RMDN2: variants seen among roughly 807,000 people sequenced by gnomAD.
RMDN2 encodes the protein regulator of microtubule dynamics protein 2.
RMDN2 carries 61 observed loss-of-function variants against 52.8 expected under a neutral mutation model. That is an observed-to-expected ratio of 1.16 (90% CI 0.94 to 1.43). The LOEUF (loss-of-function observed/expected upper bound fraction) is 1.43. Among genes scored for constraint, RMDN2 ranks in the 40% most tolerant of loss-of-function variants. The probability of loss-of-function intolerance (pLI) is 0.00; values close to 1 mark genes in which losing one functional copy is unlikely to be tolerated. For missense variants in RMDN2, 592 were observed against 475.3 expected (o/e 1.25, Z -2.28); for synonymous variants, 180 against 153.1 (o/e 1.18, Z -1.30).
chr2:38,041,747 T>C (rs1680968738), intron 10 of RMDN2, among the ~76,000 whole-genome samples: 1 of 152,212 alleles, frequency 6.6e-6, no homozygotes, highest in South Asian at 2.1e-4. Context: ...TGATAGATCA[T>C]ATTAATTAAT....
chr2:38,065,966 G>A (rs759797128), intron 10 of RMDN2, among the ~76,000 whole-genome samples: 17 of 152,108 alleles, frequency 1.1e-4, no homozygotes, highest in African/African-American at 1.7e-4. Flanking sequence ...AATTGCTTGC[G>A]AAACTCCCAG....
intron 10 of RMDN2, among the ~76,000 whole-genome samples, chr2:38,050,389 C>G (rs900505870): frequency 2.0e-5 from 3 of 152,158 alleles, no homozygotes; most frequent in African/African-American, 7.2e-5. Context: ...ACCATATATC[C>G]CCACATACAG....
intron 10 of RMDN2, among the ~76,000 whole-genome samples, chr2:38,016,230 G>A (rs1038424579): frequency 6.6e-6 from 1 of 152,220 alleles, no homozygotes; most frequent in Non-Finnish European, 1.5e-5. Flanking sequence ...AGGTATTTGA[G>A]CAAGGCTCTA....
chr2:38,002,004 G>A (rs545821546), intron 8 of RMDN2, among the ~76,000 whole-genome samples: 6 of 152,136 alleles, frequency 3.9e-5, no homozygotes, highest in South Asian at 4.2e-4. Context: ...TTCATTCCAC[G>A]CCCAGACACT....
intron 2 of RMDN2, among the ~76,000 whole-genome samples, chr2:37,937,083 G>A (rs541842904): frequency 6.6e-6 from 1 of 152,226 alleles, no homozygotes; most frequent in Non-Finnish European, 1.5e-5. Context: ...TTTGTATCAG[G>A]TGTAAGGAAG....
At chr2:38,054,316 C>G (rs1681760594) in intron 10 of RMDN2, among the ~76,000 whole-genome samples, 1 of 152,218 alleles carries the variant, frequency 6.6e-6, no homozygotes, top group African/African-American at 2.4e-5. Context: ...TGGAAAGACT[C>G]AGTAAAGTTG....
intron 2 of RMDN2, among the ~76,000 whole-genome samples, chr2:37,933,653 T>G (rs1667043696): frequency 6.6e-6 from 1 of 152,168 alleles, no homozygotes; most frequent in Admixed American, 6.5e-5. Context: ...GCGCCTGCAA[T>G]GGCAGGCACT....
Position 37,931,422 on chromosome 2 carries a change from G to A in RMDN2, c.452+1693G>A, listed in dbSNP as rs184400580. ...TGTAAATCTGTGGTATTTCTTCATCGTGTGTCCTGTGTGCAGTTTTGGCAG... is the reference window on the plus strand; with the variant it reads ...TGTAAATCTGTGGTATTTCTTCATCATGTGTCCTGTGTGCAGTTTTGGCAG... On this transcript the variant is annotated intron_variant, in intron 2 of 10. Coordinates refer to ENST00000354545, the MANE Select transcript of RMDN2 (RefSeq NM_001170791.3). 4.6e-5 allele frequency among the ~76,000 whole-genome samples: 7 copies of A among 152,272 alleles called. No individual in the cohort carries two copies. The East Asian group carries it at 1.2e-3, about 25-fold the overall frequency.
At chr2:37,985,625 A>G (rs965934458) in intron 5 of RMDN2, among the ~76,000 whole-genome samples, 1 of 152,168 alleles carries the variant, frequency 6.6e-6, no homozygotes, top group African/African-American at 2.4e-5. Flanking sequence ...CAGTGTGTTC[A>G]GTAATTTTGT....
chr2:38,025,360 A>G (rs899919344), intron 10 of RMDN2, among the ~76,000 whole-genome samples: 1 of 151,958 alleles, frequency 6.6e-6, no homozygotes, highest in African/African-American at 2.4e-5. Flanking sequence ...AAACTCACTT[A>G]TTTCTGGTAG....
intron 10 of RMDN2, among the ~76,000 whole-genome samples, chr2:38,005,951 A>G (rs1387866176): frequency 6.6e-6 from 1 of 152,204 alleles, no homozygotes; most frequent in Non-Finnish European, 1.5e-5. Context: ...ACCATTTATT[A>G]AGTAGGGGAT....
intron 2 of RMDN2, among the ~76,000 whole-genome samples, chr2:37,956,318 T>C (rs1217178446): frequency 2.0e-5 from 3 of 152,174 alleles, no homozygotes; most frequent in Non-Finnish European, 4.4e-5. Flanking sequence ...TTCATCTAGG[T>C]TAATCAATTC....
intron 2 of RMDN2, among the ~76,000 whole-genome samples, chr2:37,973,298 C>T (rs762921557): frequency 3.9e-5 from 6 of 152,162 alleles, no homozygotes; most frequent in Admixed American, 6.5e-5. Context: ...TTAAAAACCA[C>T]GTTAAAGTTT....
Position 38,004,826 on chromosome 2 carries a change from C to T in RMDN2, c.1179+610C>T, listed in dbSNP as rs1209830102. On this transcript the variant is annotated intron_variant, in intron 10 of 10. Coordinates refer to ENST00000354545, the MANE Select transcript of RMDN2 (RefSeq NM_001170791.3). Reference sequence around the variant, plus strand: ...GTCATTTAACATTAGGTATATATATCTCCTAATGCTATCCCTCCCCACTCC... The same window carrying T: ...GTCATTTAACATTAGGTATATATATTTCCTAATGCTATCCCTCCCCACTCC... 3.3e-5 allele frequency among the ~76,000 whole-genome samples: 5 copies of T among 151,828 alleles called. No homozygotes were observed. In the East Asian group the frequency reaches 5.8e-4, roughly 18 times the overall value.
Position 37,951,558 on chromosome 2 carries a change from G to T in RMDN2, c.452+21829G>T, listed in dbSNP as rs548414832. On this transcript the variant is annotated intron_variant, in intron 2 of 10. Coordinates refer to ENST00000354545, the MANE Select transcript of RMDN2 (RefSeq NM_001170791.3). Reference sequence around the variant, plus strand: ...CTTCACTGATATAAAATCTTCCTCAGACCATTGTGGTAGCTTTATTTCCCG... The same window carrying T: ...CTTCACTGATATAAAATCTTCCTCATACCATTGTGGTAGCTTTATTTCCCG... 4 of 1,612,812 alleles carry T rather than the reference G, an allele frequency of 2.5e-6. No individual in the cohort carries two copies. In the South Asian group the frequency reaches 4.4e-5, roughly 18 times the overall value.
intron 2 of RMDN2, among the ~76,000 whole-genome samples, chr2:37,967,403 A>G (rs908858504): frequency 3.9e-5 from 6 of 152,238 alleles, no homozygotes; most frequent in African/African-American, 1.4e-4. Flanking sequence ...GAGATGAAAT[A>G]TGGCCTTACC....
intron 4 of RMDN2, among the ~76,000 whole-genome samples, chr2:37,979,555 G>A (rs1405769247): frequency 1.3e-5 from 2 of 152,164 alleles, no homozygotes; most frequent in East Asian, 3.8e-4. Flanking sequence ...CTCAAAGTGA[G>A]TATATCATTA....
At chr2:37,925,802 C>T (rs970610819) in intron 1 of RMDN2, among the ~76,000 whole-genome samples, 1 of 152,166 alleles carries the variant, frequency 6.6e-6, no homozygotes, top group Admixed American at 6.5e-5. Flanking sequence ...TCTCGCTCGG[C>T]TTTCAGCCTT....
At chr2:38,066,948 A>G (rs745315975) in intron 10 of RMDN2, 110 of 1,612,964 alleles carry the variant, frequency 6.8e-5, no homozygotes, top group Non-Finnish European at 9.2e-5. Flanking sequence ...ATTTTGTGCA[A>G]TTTTTACTTC....
Sources: allele counts gnomAD v4.1 joint callset (sites outside exome capture counted in the v4.1 genomes callset), GRCh38; gene constraint gnomAD v4.1.1; transcripts MANE v1.5; gene names NCBI Gene and HGNC (gene_info 2026-07-23, HGNC 2026-07-21).